Variants in MAP4K4 observed in about 807,000 individuals in gnomAD.
MAP4K4 encodes the protein mitogen-activated protein kinase kinase kinase kinase 4.
In MAP4K4, 38 loss-of-function variants were observed where a neutral mutation model predicts 189.6. The observed-to-expected ratio is 0.20, with a 90% confidence interval of 0.15 to 0.26. The LOEUF (loss-of-function observed/expected upper bound fraction) is 0.26, where lower values mean the gene tolerates loss of function less well. Ranked by LOEUF, MAP4K4 falls within the 10% of genes least tolerant of loss-of-function variation. MAP4K4 has a pLI of 1.00. For synonymous variants in MAP4K4, 610 were observed against 624.3 expected, an observed-to-expected ratio of 0.98 and a Z score of 0.34; for missense variants, 1,054 against 1,726.9, an observed-to-expected ratio of 0.61 and a Z score of 6.91.
At chr2:101,699,663 T>C (rs1243108878) in intron 2 of MAP4K4, among the ~76,000 whole-genome samples, 2 of 152,030 alleles carry the variant, frequency 1.3e-5, no homozygotes, top group African/African-American at 4.8e-5. Flanking sequence ...TGGATCTTAT[T>C]GTCTCTTTTC....
At chr2:101,812,364 C>T (rs1309935991) in intron 3 of MAP4K4, among the ~76,000 whole-genome samples, 3 of 152,172 alleles carry the variant, frequency 2.0e-5, no homozygotes, top group Admixed American at 1.3e-4. Context: ...TTTGACTCTT[C>T]GCAGACGGAG....
At chr2:101,864,145 C>A in intron 17 of MAP4K4, 94 bp downstream of exon 17, 1 of 635,968 alleles carries the variant, frequency 1.6e-6, no homozygotes, top group Non-Finnish European at 2.3e-6. Flanking sequence ...TGCAACTTGA[C>A]CAAATTTAAA....
chr2:101,766,500 A>G (rs1291647415), intron 2 of MAP4K4, among the ~76,000 whole-genome samples: 2 of 152,132 alleles, frequency 1.3e-5, no homozygotes, highest in Non-Finnish European at 2.9e-5. Context: ...AAGTGACTTC[A>G]TGCAATATAA....
At chr2:101,816,802 A>G (rs1165527596) in intron 3 of MAP4K4, among the ~76,000 whole-genome samples, 1 of 152,150 alleles carries the variant, frequency 6.6e-6, no homozygotes, top group Non-Finnish European at 1.5e-5. Context: ...GCCAGCCTCT[A>G]GTTCTTCAGG....
chr2:101,713,483 C>A (rs1260592126), intron 2 of MAP4K4, among the ~76,000 whole-genome samples: 1 of 151,756 alleles, frequency 6.6e-6, no homozygotes, highest in Non-Finnish European at 1.5e-5. Context: ...GTAATCCCAG[C>A]TACTTGGGAG....
At chr2:101,760,655 T>A (rs2075965304) in intron 2 of MAP4K4, among the ~76,000 whole-genome samples, 1 of 151,920 alleles carries the variant, frequency 6.6e-6, no homozygotes, top group Non-Finnish European at 1.5e-5. Context: ...GTTCTTCTAT[T>A]TAAAAAATAA....
chr2:101,859,228 T>C, intron 14 of MAP4K4, 146 bp downstream of exon 14: 2 of 628,714 alleles, frequency 3.2e-6, no homozygotes, highest in Non-Finnish European at 2.9e-6. Flanking sequence ...TGTGGTCCTA[T>C]TGCTAGCACA....
chr2:101,794,685 G>T (rs1001266634), intron 3 of MAP4K4, among the ~76,000 whole-genome samples: 2 of 152,118 alleles, frequency 1.3e-5, no homozygotes. Context: ...ATATATCTTT[G>T]CTTGTGCCAA....
At chr2:101,767,365 GA>G (rs2150289944) in intron 2 of MAP4K4, among the ~76,000 whole-genome samples, 1 of 152,218 alleles carries the variant, frequency 6.6e-6, no homozygotes, top group Admixed American at 6.5e-5. Flanking sequence ...GCTTTTATTA[GA>G]ATTTTTTTTT....
intron 27 of MAP4K4, among the ~76,000 whole-genome samples, chr2:101,879,272 G>GT (rs200445614): frequency 0.11 from 13,654 of 125,450 alleles, 1,113 homozygotes; most frequent in African/African-American, 0.24. Flanking sequence ...CTACTTTTCT[G>GT]TTTTTTTTTT....
At chr2:101,821,714 T>C (rs374361895) in intron 3 of MAP4K4, among the ~76,000 whole-genome samples, 1 of 152,210 alleles carries the variant, frequency 6.6e-6, no homozygotes, top group South Asian at 2.1e-4. Context: ...TTCATAAACA[T>C]GGTACACTTA....
chr2:101,843,064 C>T (rs544449192), intron 11 of MAP4K4, among the ~76,000 whole-genome samples: 48 of 152,188 alleles, frequency 3.2e-4, no homozygotes, highest in Non-Finnish European at 5.1e-4. Flanking sequence ...CATGGACCAG[C>T]AGGACTGTGT....
At chr2:101,854,449 T>C (rs1323718329) in intron 12 of MAP4K4, among the ~76,000 whole-genome samples, 3 of 152,130 alleles carry the variant, frequency 2.0e-5, no homozygotes, top group African/African-American at 4.8e-5. Context: ...GATTCCCCCA[T>C]TGAAAACCTA....
intron 2 of MAP4K4, among the ~76,000 whole-genome samples, chr2:101,775,943 C>T (rs2083872186): frequency 6.6e-6 from 1 of 152,206 alleles, no homozygotes; most frequent in South Asian, 2.1e-4. Flanking sequence ...GCTGTCAGGG[C>T]CAAACCTGTT....
intron 5 of MAP4K4, among the ~76,000 whole-genome samples, chr2:101,826,950 T>G (rs2096388256): frequency 6.6e-6 from 1 of 152,128 alleles, no homozygotes; most frequent in Non-Finnish European, 1.5e-5. Flanking sequence ...CCTACTTTGC[T>G]TGTATGTAAT....
chr2:101,728,054 T>A (rs1205329018), intron 2 of MAP4K4, among the ~76,000 whole-genome samples: 2 of 152,226 alleles, frequency 1.3e-5, no homozygotes, highest in African/African-American at 2.4e-5. Flanking sequence ...AAGGTTGTCA[T>A]GGCTTGCTCT....
intron 2 of MAP4K4, among the ~76,000 whole-genome samples, chr2:101,719,613 C>G (rs1459215776): frequency 2.0e-5 from 3 of 152,160 alleles, no homozygotes; most frequent in Admixed American, 1.3e-4. Context: ...TTTAGGCAAG[C>G]TTTTTGGTTC....
Position 101,863,515 on chromosome 2 carries a change from T to A in MAP4K4, c.1867-306T>A, listed in dbSNP as rs143921654. Among the ~76,000 whole-genome samples, 172 of 152,306 alleles carry A rather than the reference T, an allele frequency of 1.1e-3. 2 individuals carry two copies. Among genetic ancestry groups the A allele is most frequent in the African/African-American group, 3.8e-3 (159 of 41,572 alleles). ...GCAACACATCATAACCCCTTTGGGCTCTGAGAGCCTCTTTGTGGGGAAAAA... is the reference window on the plus strand; with the variant it reads ...GCAACACATCATAACCCCTTTGGGCACTGAGAGCCTCTTTGTGGGGAAAAA... On this transcript the variant is annotated intron_variant, in intron 16 of 32. Coordinates refer to ENST00000324219, the Ensembl canonical transcript of MAP4K4.
intron 2 of MAP4K4, among the ~76,000 whole-genome samples, chr2:101,772,743 G>A (rs760808397): frequency 3.9e-5 from 6 of 152,218 alleles, no homozygotes; most frequent in Non-Finnish European, 7.3e-5. Flanking sequence ...TTGCTTAGGT[G>A]TTATGGTAAT....
Sources: gnomAD v4.1 joint callset for allele counts (sites outside exome capture counted in the v4.1 genomes callset) on GRCh38, gnomAD v4.1.1 for gene constraint, MANE v1.5 for transcripts, NCBI Gene and HGNC (gene_info 2026-07-23, HGNC 2026-07-21) for gene names.